Variants in RTL4 observed in about 807,000 individuals in gnomAD.
RTL4 encodes the protein retrotransposon Gag-like protein 4.
In RTL4, 4 loss-of-function variants were observed where a neutral mutation model predicts 5.3. That is an observed-to-expected ratio of 0.75 (90% confidence interval 0.37 to 1.72). The LOEUF (loss-of-function observed/expected upper bound fraction) is 1.72, where lower values mean the gene tolerates loss of function less well. RTL4 is among the 40% of genes most tolerant of loss of function. RTL4 has a pLI of 0.04. For missense variants in RTL4, 260 were observed against 227.1 expected (o/e 1.14, Z -0.93); for synonymous variants, 98 against 87.3 (o/e 1.12, Z -0.68).
At chrX:112,095,439 G>C in the RTL4 span, among the ~76,000 whole-genome samples, 1 of 112,014 alleles carries the variant, frequency 8.9e-6, no homozygotes, top group African/African-American at 3.2e-5. Flanking sequence ...TGCAGATACA[G>C]TGAAGGAAAA....
the RTL4 span, among the ~76,000 whole-genome samples, chrX:112,414,667 T>C: frequency 8.9e-6 from 1 of 111,832 alleles, no homozygotes; most frequent in Non-Finnish European, 1.9e-5. Context: ...CTAATTCTTC[T>C]CACTCTCATT....
At chrX:112,100,164 G>A in the RTL4 span, among the ~76,000 whole-genome samples, 2 of 111,722 alleles carry the variant, frequency 1.8e-5, no homozygotes, top group Admixed American at 9.5e-5. Context: ...GAAAGATAAA[G>A]TATAATGAAG....
At chrX:112,200,494 G>A in the RTL4 span, among the ~76,000 whole-genome samples, 1 of 112,074 alleles carries the variant, frequency 8.9e-6, no homozygotes, top group Non-Finnish European at 1.9e-5. Context: ...GAGAATAAAT[G>A]GCTTGAAGTT....
At chrX:112,242,805 C>T in the RTL4 span, among the ~76,000 whole-genome samples, 5 of 111,542 alleles carry the variant, frequency 4.5e-5, no homozygotes, top group Non-Finnish European at 7.5e-5. Context: ...CAGGTTTTGC[C>T]CATTCAGTAT....
chrX:112,124,760 C>A, the RTL4 span, among the ~76,000 whole-genome samples: 1 of 110,463 alleles, frequency 9.1e-6, no homozygotes, highest in African/African-American at 3.3e-5. Flanking sequence ...ACCTATGTAA[C>A]AAACCTGCAC....
At chrX:112,310,774 TA>T in the RTL4 span, among the ~76,000 whole-genome samples, 1 of 80,067 alleles carries the variant, frequency 1.2e-5, no homozygotes, top group African/African-American at 5.2e-5. Flanking sequence ...ATATTATATA[TA>T]ATATATATTA....
At chrX:112,211,834 C>T in the RTL4 span, among the ~76,000 whole-genome samples, 1 of 112,181 alleles carries the variant, frequency 8.9e-6, no homozygotes, top group East Asian at 2.8e-4. Context: ...TGATTCCTGA[C>T]CCTTTGGGGT....
chrX:112,434,448 T>C, the RTL4 span, among the ~76,000 whole-genome samples: 1 of 111,913 alleles, frequency 8.9e-6, no homozygotes, highest in Non-Finnish European at 1.9e-5. Context: ...AACTTCTTCC[T>C]GGTTTAGTCT....
upstream of RTL4, among the ~76,000 whole-genome samples, chrX:112,451,987 G>C (rs1019426919): frequency 9.0e-6 from 1 of 111,572 alleles, no homozygotes; most frequent in African/African-American, 3.3e-5. Flanking sequence ...AGATTCCTGG[G>C]ATTCATCCCA....
the RTL4 span, among the ~76,000 whole-genome samples, chrX:112,371,356 T>C: frequency 9.0e-6 from 1 of 111,511 alleles, no homozygotes; most frequent in Non-Finnish European, 1.9e-5. Context: ...CTTACTATGA[T>C]GCAGTCTATC....
chrX:112,155,017 T>G, the RTL4 span, among the ~76,000 whole-genome samples: 1 of 111,218 alleles, frequency 9.0e-6, no homozygotes, highest in Non-Finnish European at 1.9e-5. Context: ...CATTCATTCA[T>G]TTGACCCTCC....
At chrX:112,185,721 T>C in the RTL4 span, among the ~76,000 whole-genome samples, 1 of 109,117 alleles carries the variant, frequency 9.2e-6, no homozygotes, top group African/African-American at 3.3e-5. Flanking sequence ...TATTTATTAA[T>C]TGTTTGACAT....
chrX:112,284,175 A>T, the RTL4 span, among the ~76,000 whole-genome samples: 17 of 108,105 alleles, frequency 1.6e-4, no homozygotes, highest in South Asian at 6.7e-3. Context: ...ATATATATGT[A>T]TAAAATTTAT....
the RTL4 span, among the ~76,000 whole-genome samples, chrX:112,259,953 A>G: frequency 1.8e-5 from 2 of 112,177 alleles, no homozygotes; most frequent in East Asian, 5.6e-4. Context: ...TTATTATAGA[A>G]GGGAATTTGG....
the RTL4 span, among the ~76,000 whole-genome samples, chrX:112,211,945 G>A: frequency 7.1e-5 from 8 of 112,070 alleles, no homozygotes; most frequent in Non-Finnish European, 1.5e-4. Flanking sequence ...AGGTGAACAG[G>A]GAGTGTGTAA....
the RTL4 span, among the ~76,000 whole-genome samples, chrX:112,189,730 C>T: frequency 9.2e-6 from 1 of 108,996 alleles, no homozygotes; most frequent in Non-Finnish European, 1.9e-5. Context: ...TGCCACTGCA[C>T]TCCAGGCTGA....
chrX:112,236,437 C>A, the RTL4 span, among the ~76,000 whole-genome samples: 149 of 73,827 alleles, frequency 2.0e-3, 3 homozygotes, highest in Middle Eastern at 6.8e-3. Context: ...AGATATAGAT[C>A]TATATCTATA....
chrX:112,234,144 A>G, the RTL4 span, among the ~76,000 whole-genome samples: 9 of 110,896 alleles, frequency 8.1e-5, no homozygotes, highest in Non-Finnish European at 1.7e-4. Context: ...GTGAGCTGAG[A>G]TTGCGCCACT....
the RTL4 span, among the ~76,000 whole-genome samples, chrX:112,308,349 C>T: frequency 9.0e-6 from 1 of 111,474 alleles, no homozygotes; most frequent in Admixed American, 9.6e-5. Flanking sequence ...CTGGATCTTC[C>T]CACTACCCTA....
Sources: allele counts gnomAD v4.1 joint callset (sites outside exome capture counted in the v4.1 genomes callset), GRCh38; gene constraint gnomAD v4.1.1; transcripts MANE v1.5; gene names NCBI Gene and HGNC (gene_info 2026-07-23, HGNC 2026-07-21).